The following CNIH3 variants were observed in gnomAD, a reference collection of about 807,000 sequenced individuals.
CNIH3 encodes the protein protein cornichon homolog 3.
In CNIH3, 14 loss-of-function variants were observed where a neutral mutation model predicts 24.1. The observed-to-expected ratio is 0.58, with a 90% CI of 0.38 to 0.91. The LOEUF is 0.91. Among genes scored for constraint, CNIH3 ranks in the 40% least tolerant of loss-of-function variants. CNIH3 has a pLI of 0.00. For synonymous variants in CNIH3, 68 were observed against 73.8 expected (o/e 0.92, Z 0.40); for missense variants, 178 against 196.8 (o/e 0.90, Z 0.57).
At chr1:224,454,286 T>C in intron 1 of CNIH3, 1 of 860,114 alleles carries the variant, frequency 1.2e-6, no homozygotes, top group Non-Finnish European at 1.4e-6. Flanking sequence ...AGATCTCTGC[T>C]TCTAGCTGTC....
intron 3 of CNIH3, among the ~76,000 whole-genome samples, chr1:224,710,818 G>A (rs1418611446): frequency 1.3e-5 from 2 of 152,232 alleles, no homozygotes; most frequent in African/African-American, 2.4e-5. Context: ...CTCAAGTGTC[G>A]TCTCTTCTAT....
intron 5 of CNIH3, among the ~76,000 whole-genome samples, chr1:224,585,603 C>G (rs1216748643): frequency 6.6e-6 from 1 of 151,992 alleles, no homozygotes; most frequent in Non-Finnish European, 1.5e-5. Flanking sequence ...CTCAACCTCC[C>G]AAGTAGCCAG....
intron 3 of CNIH3, among the ~76,000 whole-genome samples, chr1:224,600,190 A>ATT (rs774919398): frequency 3.7e-5 from 5 of 134,872 alleles, no homozygotes; most frequent in African/African-American, 8.1e-5. Flanking sequence ...TCTCATCTAC[A>ATT]TTTTTTTTTT....
In CNIH3 at chr1:224,714,473, A is replaced by C. The variant is rs568156519; in HGVS notation, c.199-15989A>C. On this transcript the variant is annotated intron_variant, in intron 3 of 5. Transcript: ENST00000272133. ...TTCCTTTGCTCTCTTCAAGGGAGCA[A>C]ATATGCACATGGAGCCTCGCTTGTC... is the stretch of plus-strand genomic sequence containing the variant. Among the ~76,000 whole-genome samples, 3 of 152,154 alleles carry C rather than the reference A, an allele frequency of 2.0e-5. No individual in the cohort carries two copies. The East Asian group carries it at 5.8e-4, about 29-fold the overall frequency.
chr1:224,604,825 G>T lies in CNIH3; in HGVS notation n.402+38561G>T, dbSNP rs563714238. Among the ~76,000 whole-genome samples, 23 of 152,320 alleles carry T rather than the reference G, an allele frequency of 1.5e-4. No individual in the cohort carries two copies. Among genetic ancestry groups the T allele is most frequent in the Non-Finnish European group, 2.6e-4 (18 of 68,028 alleles). On this transcript the variant is annotated intron_variant and non_coding_transcript_variant, in intron 3 of 7. Transcript: ENST00000478120. This position sits in a 1 kb window ranked among gnomAD's most constrained non-coding sequence, Gnocchi z 4.4. ...CACATTTGGTGGTTCCTGAGCTCCT[G>T]TACTGTGCCCAGGAAGAATGAGGAT...
Position 224,553,323 on chromosome 1 carries a change from T to A in CNIH3, n.450+6384T>A, listed in dbSNP as rs150474215. On this transcript the variant is annotated intron_variant and non_coding_transcript_variant, in intron 3 of 5. Transcript: ENST00000471578. ...CCCCTGTGATATTAAGAGTAATGTA[T>A]CTCCCTTAGATATATCTATAACATC... is the stretch of plus-strand genomic sequence containing the variant. Among the ~76,000 whole-genome samples the A allele has an allele frequency of 1.3e-3, 191 of 152,032 alleles. 2 individuals are homozygous for A. The East Asian group carries it at 0.032, about 25-fold the overall frequency.
chr1:224,540,399 A>T (rs1349438565), downstream of CNIH3, among the ~76,000 whole-genome samples: 1 of 152,210 alleles, frequency 6.6e-6, no homozygotes, highest in Non-Finnish European at 1.5e-5. Flanking sequence ...ACCCATGCGG[A>T]TGTAGTTGTG....
intron 1 of CNIH3, among the ~76,000 whole-genome samples, chr1:224,472,195 A>G (rs1207784821): frequency 6.6e-6 from 1 of 152,190 alleles, no homozygotes. Flanking sequence ...CCAGCAGTGT[A>G]TAAGGATTCC....
Position 224,684,696 on chromosome 1 carries a change from C to T in CNIH3, c.151-100C>T, listed in dbSNP as rs892188511. ...TGTGCCCAGGAGGGGTCTCTGGTGG[C>T]TTCTGCCTCCACTATTGGGGCTGAT... On this transcript the variant is annotated intron_variant, in intron 2 of 5. Coordinates refer to ENST00000272133, the MANE Select transcript of CNIH3 (RefSeq NM_152495.2). This position sits in a 1 kb window ranked among gnomAD's most constrained non-coding sequence, Gnocchi z 4.2. 109 of 1,066,088 alleles carry T rather than the reference C, an allele frequency of 1.0e-4. No individual in the cohort carries two copies. The highest frequency in any genetic ancestry group is 7.9e-4 in the East Asian group (33 of 41,912). 66.0% of individuals were successfully genotyped at this position (1,066,088 alleles called of 1,614,324 possible).
rs1428943035 is a variant in CNIH3 at position 224,631,502 on chromosome 1, T to C, written c.81+14247T>C. Among the ~76,000 whole-genome samples the C allele has an allele frequency of 3.9e-5, 6 of 152,208 alleles. No individual in the cohort carries two copies. In the East Asian group the frequency reaches 9.6e-4, roughly 24 times the overall value. ...TTCATTCTTTCTTTTCTCTCATTTCTTTTTCCCTCTTGTTCATCTTCCCTT... is the reference window on the plus strand; with the variant it reads ...TTCATTCTTTCTTTTCTCTCATTTCCTTTTCCCTCTTGTTCATCTTCCCTT... On this transcript the variant is annotated intron_variant, in intron 1 of 5. Coordinates refer to ENST00000272133, the MANE Select transcript of CNIH3 (RefSeq NM_152495.2).
intron 1 of CNIH3, among the ~76,000 whole-genome samples, chr1:224,495,653 G>C (rs1272737233): frequency 6.6e-6 from 1 of 152,190 alleles, no homozygotes; most frequent in Admixed American, 6.5e-5. Context: ...GCTCCAAGGG[G>C]TCCTCCTGGA....
chr1:224,729,146 C>T lies in CNIH3; in HGVS notation c.199-1316C>T, dbSNP rs146436447. Among the ~76,000 whole-genome samples, 1,107 of 152,094 alleles carry T rather than the reference C, an allele frequency of 7.3e-3. 8 individuals are homozygous for T. Among genetic ancestry groups the T allele is most frequent in the Middle Eastern group, 0.014 (4 of 294 alleles). On this transcript the variant is annotated intron_variant, in intron 3 of 5. Transcript: ENST00000272133. ...TCATTTGAGGCTGGGGACGGTGGCT[C>T]GTACCTGTAATCGCAGCACTTTGGG...
downstream of CNIH3, among the ~76,000 whole-genome samples, chr1:224,589,897 G>A (rs1041326280): frequency 5.3e-5 from 8 of 151,060 alleles, no homozygotes; most frequent in Non-Finnish European, 8.9e-5. Context: ...TTTTTTTTGA[G>A]ATGGAGTCTT....
At chr1:224,721,197 G>A (rs932791173) in intron 3 of CNIH3, among the ~76,000 whole-genome samples, 2 of 152,172 alleles carry the variant, frequency 1.3e-5, no homozygotes, top group African/African-American at 4.8e-5. Flanking sequence ...TCACCACCTA[G>A]TAAGTGCTTC....
At chr1:224,726,486 G>A (rs549503562) in intron 3 of CNIH3, among the ~76,000 whole-genome samples, 2 of 152,194 alleles carry the variant, frequency 1.3e-5, no homozygotes, top group African/African-American at 2.4e-5. Context: ...TACAGTTAGC[G>A]TTTACACAGT....
chr1:224,440,215 C>T (rs551813412), intron 1 of CNIH3, among the ~76,000 whole-genome samples: 11 of 152,298 alleles, frequency 7.2e-5, no homozygotes, highest in African/African-American at 2.6e-4. Context: ...GCCACTGCAC[C>T]TGGCTGCATT....
intron 3 of CNIH3, among the ~76,000 whole-genome samples, chr1:224,722,445 TTAATG>T (rs1407098969): frequency 2.6e-5 from 4 of 152,124 alleles, no homozygotes; most frequent in Admixed American, 1.3e-4. Context: ...TTCTCAAACT[TTAATG>T]TGCATGTAAG....
chr1:224,468,952 A>G (rs961553841), intron 1 of CNIH3, among the ~76,000 whole-genome samples: 5 of 151,226 alleles, frequency 3.3e-5, no homozygotes, highest in Non-Finnish European at 7.4e-5. Context: ...GATGCTCTCT[A>G]TCAAGTTGAG....
chr1:224,567,338 A>G (rs1258117123), intron 4 of CNIH3, among the ~76,000 whole-genome samples: 1 of 152,116 alleles, frequency 6.6e-6, no homozygotes, highest in Non-Finnish European at 1.5e-5. Context: ...CTCTGATGAT[A>G]ATTTCTTTTA....
Sources: gnomAD v4.1 joint callset for allele counts (sites outside exome capture counted in the v4.1 genomes callset) on GRCh38, gnomAD v4.1.1 for gene constraint, Gnocchi (gnomAD v3.1) non-coding constraint, MANE v1.5 for transcripts, NCBI Gene and HGNC (gene_info 2026-07-23, HGNC 2026-07-21) for gene names.